Variants in DYNC1I2 observed in about 807,000 individuals in gnomAD.
DYNC1I2 encodes cytoplasmic dynein 1 intermediate chain 2.
In DYNC1I2, 53 loss-of-function variants were observed where a neutral mutation model predicts 88.6. The observed-to-expected ratio is 0.60, with a 90% CI of 0.48 to 0.75. The LOEUF is 0.75. DYNC1I2 is among the 30% of genes least tolerant of loss of function. The probability of loss-of-function intolerance (pLI) is 0.00; values close to 1 mark genes in which losing one functional copy is unlikely to be tolerated. For synonymous variants in DYNC1I2, 198 were observed against 254.6 expected, an observed-to-expected ratio of 0.78 and a Z score of 2.12; for missense variants, 458 against 766.6, an observed-to-expected ratio of 0.60 and a Z score of 4.75.
chr2:171,698,153 G>C (rs1559365835), intron 3 of DYNC1I2, among the ~76,000 whole-genome samples: 2 of 152,140 alleles, frequency 1.3e-5, no homozygotes, highest in Non-Finnish European at 2.9e-5. Flanking sequence ...AATACTCATC[G>C]ATGATCCTCA....
intron 15 of DYNC1I2, among the ~76,000 whole-genome samples, chr2:171,738,120 T>C (rs1689141989): frequency 6.6e-6 from 1 of 151,974 alleles, no homozygotes; most frequent in Non-Finnish European, 1.5e-5. Context: ...TCATCTGAGG[T>C]CAGGAGTTCG....
chr2:171,728,208 G>A (rs1688373190), intron 12 of DYNC1I2, 97 bp from the exon 13 acceptor site: 3 of 765,394 alleles, frequency 3.9e-6, no homozygotes, highest in South Asian at 2.6e-5. Flanking sequence ...CACAAGTTAT[G>A]AGACTCGATA....
intron 3 of DYNC1I2, among the ~76,000 whole-genome samples, chr2:171,694,362 A>G (rs1451272685): frequency 1.3e-5 from 2 of 152,148 alleles, no homozygotes; most frequent in African/African-American, 4.8e-5. Context: ...AGGCTGGGTA[A>G]CTTGAAAAGA....
At chr2:171,747,531 T>A (rs1167695512) in intron 17 of DYNC1I2, among the ~76,000 whole-genome samples, 1 of 152,168 alleles carries the variant, frequency 6.6e-6, no homozygotes, top group African/African-American at 2.4e-5. Flanking sequence ...ATCATTGTTA[T>A]TCTCTCTTGC....
intron 15 of DYNC1I2, among the ~76,000 whole-genome samples, chr2:171,731,201 T>C (rs1309858270): frequency 6.6e-6 from 1 of 152,208 alleles, no homozygotes; most frequent in African/African-American, 2.4e-5. Flanking sequence ...TTTTTATTCT[T>C]CTAGTGAAAT....
At chr2:171,688,698 T>C (rs17614989) in intron 1 of DYNC1I2, 12,772 of 152,260 alleles carry the variant, frequency 0.084, 812 homozygotes, top group Admixed American at 0.2. Context: ...AAATTATCAA[T>C]TCGCTTGCCA....
At position 171,747,773 on chromosome 2, in the gene DYNC1I2, C is replaced by T. The variant is rs1689903137; in HGVS notation, c.1804-3C>T. On this transcript the variant is annotated splice_polypyrimidine_tract_variant and splice_region_variant and intron_variant, in intron 17 of 17. Coordinates refer to ENST00000397119, the MANE Select transcript of DYNC1I2 (RefSeq NM_001378.3). The stretch of plus-strand genomic sequence containing the variant: ...ATATAAAACATTGTCTTTCTTTTAA[C>T]AGCAGATTGCTGTTCCCCGCAATGA... The T allele has an allele frequency of 1.3e-6, 2 of 1,593,994 alleles. No individual in the cohort carries two copies. The highest frequency in any genetic ancestry group is 1.3e-5 in the African/African-American group (1 of 74,444).
At chr2:171,713,977 T>C (rs1400923927) in intron 6 of DYNC1I2, among the ~76,000 whole-genome samples, 1 of 152,168 alleles carries the variant, frequency 6.6e-6, no homozygotes, top group Non-Finnish European at 1.5e-5. Context: ...AGTATTATGG[T>C]TTTTTCTGTT....
At chr2:171,719,265 G>GA (rs1406316975) in intron 7 of DYNC1I2, among the ~76,000 whole-genome samples, 2 of 152,062 alleles carry the variant, frequency 1.3e-5, no homozygotes, top group East Asian at 1.9e-4. Context: ...TCCTTTGGGG[G>GA]AAAAAATGAG....
intron 3 of DYNC1I2, among the ~76,000 whole-genome samples, chr2:171,704,951 T>A (rs922183822): frequency 2.6e-5 from 4 of 152,182 alleles, no homozygotes; most frequent in African/African-American, 7.2e-5. Flanking sequence ...TTATTTATTA[T>A]TGCAAAATGT....
At chr2:171,702,184 A>AAACC (rs1260705480) in intron 3 of DYNC1I2, among the ~76,000 whole-genome samples, 1 of 152,196 alleles carries the variant, frequency 6.6e-6, no homozygotes, top group African/African-American at 2.4e-5. Flanking sequence ...TTCCCAGAAA[A>AAACC]GGTTAACACT....
chr2:171,711,360 A>G (rs1264531931), intron 5 of DYNC1I2, among the ~76,000 whole-genome samples: 2 of 152,096 alleles, frequency 1.3e-5, no homozygotes, highest in Non-Finnish European at 2.9e-5. Flanking sequence ...ATTGTACTCT[A>G]TGTGCCTGAA....
rs1339430119 is a variant in DYNC1I2 at position 171,729,796 on chromosome 2, C to T, written c.1479C>T (p.Phe493=). 3.1e-6 allele frequency: 5 copies of T among 1,613,676 alleles called. No homozygotes were observed. In the African/African-American group the frequency reaches 6.7e-5, roughly 22 times the overall value. Residue 493 remains phenylalanine (F), a synonymous_variant, in exon 15 of 18, where the codon TTC becomes TTT. Transcript: ENST00000397119. The part of the protein sequence containing the change: ...HCHAAVGAVD[F]SHLFVTSSFD... ...ATGCAGCTGTTGGAGCAGTAGACTT[C>T]TCACATCTTTTTGTCACTTCATCGT...
At chr2:171,746,274 C>T (rs781564452) in intron 17 of DYNC1I2, among the ~76,000 whole-genome samples, 1 of 152,068 alleles carries the variant, frequency 6.6e-6, no homozygotes, top group South Asian at 2.1e-4. Context: ...ATTTATTTTT[C>T]TGTATTCATT....
At chr2:171,700,667 T>G (rs1391516481) in intron 3 of DYNC1I2, among the ~76,000 whole-genome samples, 1 of 152,204 alleles carries the variant, frequency 6.6e-6, no homozygotes, top group Non-Finnish European at 1.5e-5. Flanking sequence ...AGTCTTGCTG[T>G]GTCGCCCAGG....
At chr2:171,722,731 ATTAT>A (rs1487435653) in intron 7 of DYNC1I2, among the ~76,000 whole-genome samples, 2 of 152,190 alleles carry the variant, frequency 1.3e-5, no homozygotes, top group Non-Finnish European at 2.9e-5. Flanking sequence ...AAATTTGATA[ATTAT>A]TTAAGATCAA....
At chr2:171,741,641 A>G (rs1689433040) in intron 15 of DYNC1I2, among the ~76,000 whole-genome samples, 4 of 152,138 alleles carry the variant, frequency 2.6e-5, no homozygotes, top group Admixed American at 2.0e-4. Flanking sequence ...CACTTTCTTG[A>G]TATCATTTGA....
chr2:171,739,104 G>GAAAA (rs59094657), intron 15 of DYNC1I2, among the ~76,000 whole-genome samples: 1 of 77,272 alleles, frequency 1.3e-5, no homozygotes, highest in African/African-American at 3.5e-5. Flanking sequence ...CAACAAGAGT[G>GAAAA]AAAAAAAAAA....
At chr2:171,695,537 G>A (rs1034024788) in intron 3 of DYNC1I2, among the ~76,000 whole-genome samples, 15 of 151,964 alleles carry the variant, frequency 9.9e-5, no homozygotes, top group African/African-American at 3.6e-4. Context: ...TGCTATATAC[G>A]TATTTAGTCA....
Sources: gnomAD v4.1 joint callset for allele counts (sites outside exome capture counted in the v4.1 genomes callset) on GRCh38, gnomAD v4.1.1 for gene constraint, MANE v1.5 for transcripts, NCBI Gene and HGNC (gene_info 2026-07-23, HGNC 2026-07-21) for gene names.